MTX2: variants seen among roughly 807,000 people sequenced by gnomAD.
The protein encoded by MTX2 is metaxin 2, also known as metaxin-2.
MTX2 carries 35 observed loss-of-function variants against 42.3 expected under a neutral mutation model. The ratio of observed to expected loss-of-function variants is 0.83; its 90% CI spans 0.63 to 1.10. The LOEUF (loss-of-function observed/expected upper bound fraction) is 1.10. Ranked by LOEUF, MTX2 falls within the 50% of genes least tolerant of loss-of-function variation. The pLI is 0.00. For missense variants in MTX2, 307 were observed against 304.1 expected, an observed-to-expected ratio of 1.01 and a Z score of -0.07; for synonymous variants, 119 against 100.9, an observed-to-expected ratio of 1.18 and a Z score of -1.08.
At chr2:176,302,075 T>A (rs1180614032) in intron 3 of MTX2, among the ~76,000 whole-genome samples, 1 of 151,964 alleles carries the variant, frequency 6.6e-6, no homozygotes, top group Non-Finnish European at 1.5e-5. Context: ...TCTAGTAAGT[T>A]TTAGAAAGAA....
intron 1 of MTX2, among the ~76,000 whole-genome samples, chr2:176,295,066 CT>C (rs1254124019): frequency 1.3e-5 from 2 of 152,102 alleles, no homozygotes; most frequent in African/African-American, 4.8e-5. Flanking sequence ...CAAATATCTT[CT>C]TTCTTTCTAC....
intron 9 of MTX2, among the ~76,000 whole-genome samples, chr2:176,334,545 C>CT (rs1444927293): frequency 6.6e-6 from 1 of 151,796 alleles, no homozygotes. Context: ...GCTGTTGAGT[C>CT]TAAGGACCCT....
chr2:176,334,580 A>G (rs1040761045), intron 9 of MTX2, among the ~76,000 whole-genome samples: 1 of 151,440 alleles, frequency 6.6e-6, no homozygotes, highest in Non-Finnish European at 1.5e-5. Flanking sequence ...TTAAAACTAT[A>G]CTGTTGGCTA....
At chr2:176,330,276 A>G (rs1220903460) in intron 8 of MTX2, among the ~76,000 whole-genome samples, 2 of 150,784 alleles carry the variant, frequency 1.3e-5, no homozygotes, top group Non-Finnish European at 3.0e-5. Flanking sequence ...ACTTAAATGT[A>G]CTTGTATTTT....
At chr2:176,287,809 T>C (rs1433311552) in intron 1 of MTX2, among the ~76,000 whole-genome samples, 2 of 152,156 alleles carry the variant, frequency 1.3e-5, no homozygotes, top group African/African-American at 4.8e-5. Flanking sequence ...TCTATTTTAA[T>C]TGAAGGTAGT....
At chr2:176,294,990 AGAT>A (rs1683821923) in intron 1 of MTX2, among the ~76,000 whole-genome samples, 1 of 152,246 alleles carries the variant, frequency 6.6e-6, no homozygotes, top group Non-Finnish European at 1.5e-5. Context: ...ACCTTAACAT[AGAT>A]GATAATATTG....
At chr2:176,315,106 G>A (rs1684405782) in intron 3 of MTX2, among the ~76,000 whole-genome samples, 1 of 152,084 alleles carries the variant, frequency 6.6e-6, no homozygotes, top group Admixed American at 6.6e-5. Context: ...TGCTTATCTG[G>A]TTTTCAAAGC....
chr2:176,271,756 G>T (rs72933921), intron 1 of MTX2, among the ~76,000 whole-genome samples: 19,399 of 152,156 alleles, frequency 0.13, 1,654 homozygotes, highest in South Asian at 0.29. Context: ...ACTTATGGGG[G>T]TTTATCTGAT....
intron 3 of MTX2, among the ~76,000 whole-genome samples, chr2:176,311,469 G>A (rs549101681): frequency 1.3e-5 from 2 of 152,368 alleles, no homozygotes; most frequent in African/African-American, 4.8e-5. Flanking sequence ...GTCTGCAGAA[G>A]TTGTCTGCTG....
intron 1 of MTX2, among the ~76,000 whole-genome samples, chr2:176,288,259 A>G (rs1369642758): frequency 6.6e-6 from 1 of 152,108 alleles, no homozygotes; most frequent in East Asian, 1.9e-4. Context: ...TTTTAAGTCT[A>G]AACATCTTAA....
Position 176,301,309 on chromosome 2 carries a change from C to T in MTX2, c.135+3414C>T, listed in dbSNP as rs117221727. ...TGGAAACTGAAGCTCAAAGATGCTT[C>T]GCCCACATTTCATAGAACCCACAAA... is the stretch of plus-strand genomic sequence containing the variant. On this transcript the variant is annotated intron_variant, in intron 3 of 9. Coordinates refer to ENST00000249442, the MANE Select transcript of MTX2 (RefSeq NM_006554.5). Among the ~76,000 whole-genome samples the T allele has an allele frequency of 2.5e-3, 379 of 152,186 alleles. 7 individuals are homozygous for T. Among genetic ancestry groups the T allele is most frequent in the East Asian group, 0.012 (63 of 5,172 alleles).
chr2:176,324,560 C>T (rs981231549), intron 4 of MTX2, among the ~76,000 whole-genome samples: 3 of 151,478 alleles, frequency 2.0e-5, no homozygotes, highest in Non-Finnish European at 3.0e-5. Context: ...GTGTTTTGTC[C>T]ATCCTTTTCC....
intron 1 of MTX2, among the ~76,000 whole-genome samples, chr2:176,294,143 A>C (rs774027488): frequency 3.9e-5 from 6 of 152,196 alleles, no homozygotes; most frequent in Non-Finnish European, 8.8e-5. Context: ...ATTCTTAATA[A>C]GAGAGCTTTT....
intron 1 of MTX2, among the ~76,000 whole-genome samples, chr2:176,281,868 C>T (rs752066362): frequency 1.3e-5 from 2 of 151,996 alleles, no homozygotes; most frequent in African/African-American, 2.4e-5. Flanking sequence ...GATGCCTGCT[C>T]GAACATGCAT....
Position 176,292,388 on chromosome 2 carries a change from A to AT in MTX2, c.41-4467dup, listed in dbSNP as rs576418637. On this transcript the variant is annotated intron_variant, in intron 1 of 9. Transcript: ENST00000249442. Reference sequence around the variant, plus strand: ...TGACTTTCCTTTTAAAATGCCACAGATTTTTAAAATGTATATTGTCAGCAT... The same window carrying AT: ...TGACTTTCCTTTTAAAATGCCACAGATTTTTTAAAATGTATATTGTCAGCAT... Among the ~76,000 whole-genome samples the AT allele has an allele frequency of 2.9e-3, 445 of 152,286 alleles. 2 individuals are homozygous for AT. The highest frequency in any genetic ancestry group is 0.01 in the African/African-American group (420 of 41,558).
At chr2:176,306,888 C>T (rs1290721592) in intron 3 of MTX2, among the ~76,000 whole-genome samples, 2 of 152,102 alleles carry the variant, frequency 1.3e-5, no homozygotes, top group Admixed American at 6.6e-5. Context: ...GTTTCTTTTG[C>T]TGTGCAGAAG....
intron 1 of MTX2, among the ~76,000 whole-genome samples, chr2:176,290,748 G>GTTTT (rs575119364): frequency 7.4e-6 from 1 of 134,432 alleles, no homozygotes; most frequent in African/African-American, 2.7e-5. Flanking sequence ...GGAATAACTA[G>GTTTT]TTTTTTTTTT....
At chr2:176,313,360 A>G (rs1339627497) in intron 3 of MTX2, among the ~76,000 whole-genome samples, 4 of 146,334 alleles carry the variant, frequency 2.7e-5, no homozygotes, top group Non-Finnish European at 3.0e-5. Context: ...TCTTCTGCTC[A>G]TTAACTTCTT....
intron 1 of MTX2, among the ~76,000 whole-genome samples, chr2:176,277,699 G>A (rs917787845): frequency 3.3e-5 from 5 of 152,128 alleles, no homozygotes; most frequent in Non-Finnish European, 7.4e-5. Context: ...ACCGTGCCCA[G>A]CCTTTAATCT....
Sources: allele counts gnomAD v4.1 joint callset (sites outside exome capture counted in the v4.1 genomes callset), GRCh38; gene constraint gnomAD v4.1.1; transcripts MANE v1.5; gene names NCBI Gene and HGNC (gene_info 2026-07-23, HGNC 2026-07-21).